The following SNX9 variants were observed in gnomAD, a reference collection of about 807,000 sequenced individuals.
SNX9 encodes sorting nexin-9.
SNX9 carries 44 observed loss-of-function variants against 89.4 expected under a neutral mutation model. The ratio of observed to expected loss-of-function variants is 0.49; its 90% CI spans 0.39 to 0.63. The LOEUF (loss-of-function observed/expected upper bound fraction) is 0.63, where lower values mean the gene tolerates loss of function less well. SNX9 is among the 30% of genes least tolerant of loss of function. The pLI is 0.00. For missense variants in SNX9, 578 were observed against 736.1 expected, an observed-to-expected ratio of 0.79 and a Z score of 2.49; for synonymous variants, 236 against 247.8, an observed-to-expected ratio of 0.95 and a Z score of 0.45.
intron 12 of SNX9, among the ~76,000 whole-genome samples, chr6:157,931,867 A>G (rs763019456): frequency 1.3e-5 from 2 of 152,240 alleles, no homozygotes; most frequent in Non-Finnish European, 2.9e-5. Context: ...AGGGGCTATC[A>G]TGATGATCAA....
At chr6:157,931,800 ATC>A (rs547286416) in intron 12 of SNX9, among the ~76,000 whole-genome samples, 180 of 152,336 alleles carry the variant, frequency 1.2e-3, no homozygotes, top group African/African-American at 3.3e-3. Context: ...CAAGTCAGTT[ATC>A]TGAGCCTTAT....
At chr6:157,825,862 T>C (rs1230371871) in intron 1 of SNX9, among the ~76,000 whole-genome samples, 2 of 152,176 alleles carry the variant, frequency 1.3e-5, no homozygotes, top group African/African-American at 2.4e-5. Context: ...GTGTTTTTTC[T>C]TTGTCTTCTT....
intron 1 of SNX9, among the ~76,000 whole-genome samples, chr6:157,826,658 C>A (rs1345094943): frequency 7.6e-6 from 1 of 131,492 alleles, no homozygotes; most frequent in Non-Finnish European, 1.5e-5. Flanking sequence ...AATATTAATA[C>A]AAAAGCTGCA....
At chr6:157,886,708 A>G (rs1300217775) in intron 4 of SNX9, among the ~76,000 whole-genome samples, 2 of 152,232 alleles carry the variant, frequency 1.3e-5, no homozygotes, top group African/African-American at 2.4e-5. Flanking sequence ...AATTCAGGAT[A>G]GATGGCTAAT....
At chr6:157,835,322 A>T (rs968648124) in intron 1 of SNX9, among the ~76,000 whole-genome samples, 4 of 152,118 alleles carry the variant, frequency 2.6e-5, no homozygotes, top group Non-Finnish European at 5.9e-5. Context: ...CAAGATTTTT[A>T]AAATATTCTA....
intron 1 of SNX9, among the ~76,000 whole-genome samples, chr6:157,828,917 T>A (rs185400375): frequency 2.2e-3 from 330 of 152,282 alleles, no homozygotes; most frequent in African/African-American, 7.7e-3. Context: ...CTCCTTTGAA[T>A]GCTGTCAGCC....
At chr6:157,930,217 C>G (rs779504668) in intron 12 of SNX9, among the ~76,000 whole-genome samples, 9 of 152,326 alleles carry the variant, frequency 5.9e-5, no homozygotes, top group Non-Finnish European at 1.2e-4. Flanking sequence ...CTTATACCAA[C>G]AAAACAACTT....
At chr6:157,876,316 G>C (rs566126701) in intron 4 of SNX9, among the ~76,000 whole-genome samples, 1 of 152,142 alleles carries the variant, frequency 6.6e-6, no homozygotes, top group Non-Finnish European at 1.5e-5. Flanking sequence ...GCTAGGTGTG[G>C]TGGCAGGCAC....
intron 17 of SNX9, among the ~76,000 whole-genome samples, 174 bp from the exon 18 acceptor site, chr6:157,942,617 A>G (rs1784065215): frequency 6.6e-6 from 1 of 152,226 alleles, no homozygotes; most frequent in African/African-American, 2.4e-5. Context: ...TGCCGGTGTC[A>G]TTCGGGGTTA....
intron 4 of SNX9, among the ~76,000 whole-genome samples, chr6:157,875,982 TA>T (rs1038454776): frequency 8.1e-5 from 12 of 149,016 alleles, no homozygotes; most frequent in African/African-American, 2.5e-4. Flanking sequence ...CTCCACACGT[TA>T]AAAAAAAAGT....
chr6:157,938,569 ATATTT>A (rs1783972422), intron 15 of SNX9, 59 bp from the exon 16 acceptor site: 1 of 1,057,738 alleles, frequency 9.5e-7, no homozygotes, highest in African/African-American at 1.6e-5. Flanking sequence ...TAGCATTGTT[ATATTT>A]TAAACTAATG....
rs530217634 is a variant in SNX9 at position 157,844,210 on chromosome 6, C to T, written c.12+20764C>T. Among the ~76,000 whole-genome samples the T allele has an allele frequency of 2.6e-5, 4 of 152,128 alleles. No individual in the cohort carries two copies. In the South Asian group the frequency reaches 8.3e-4, roughly 32 times the overall value. ...CTTAGAGCCGATTTCTCAGGACAAG[C>T]GGAATTGCAATAGAGAAAGAGTAAT... is the stretch of plus-strand genomic sequence containing the variant. On this transcript the variant is annotated intron_variant, in intron 1 of 17. Coordinates refer to ENST00000392185, the MANE Select transcript of SNX9 (RefSeq NM_016224.5).
intron 1 of SNX9, among the ~76,000 whole-genome samples, chr6:157,858,374 G>A (rs1363651545): frequency 2.6e-5 from 4 of 151,702 alleles, no homozygotes; most frequent in Non-Finnish European, 5.9e-5. Context: ...AGCCTAGCGA[G>A]TAGCTAGGAT....
chr6:157,836,895 A>G (rs1444972692), intron 1 of SNX9, among the ~76,000 whole-genome samples: 1 of 152,122 alleles, frequency 6.6e-6, no homozygotes, highest in East Asian at 1.9e-4. Context: ...CCGGCCGAGA[A>G]CACACATTTC....
At chr6:157,936,108 C>A in intron 14 of SNX9, 68 bp downstream of exon 14, 3 of 1,303,322 alleles carry the variant, frequency 2.3e-6, no homozygotes, top group Non-Finnish European at 3.2e-6. Flanking sequence ...TAATTTAAAA[C>A]CTGTCTTAGG....
chr6:157,869,730 G>A (rs1782350059), intron 2 of SNX9, among the ~76,000 whole-genome samples: 1 of 152,096 alleles, frequency 6.6e-6, no homozygotes, highest in South Asian at 2.1e-4. Flanking sequence ...CTGTAGGTCT[G>A]TGAGACACCC....
At chr6:157,824,112 C>T (rs1033563808) in intron 1 of SNX9, among the ~76,000 whole-genome samples, 11 of 152,194 alleles carry the variant, frequency 7.2e-5, no homozygotes, top group Admixed American at 2.6e-4. Context: ...TACGTGTTTG[C>T]CTGAAAAAAG....
chr6:157,942,481 C>G (rs771208482), intron 17 of SNX9, among the ~76,000 whole-genome samples: 7 of 152,232 alleles, frequency 4.6e-5, no homozygotes, highest in Non-Finnish European at 1.0e-4. Flanking sequence ...AACATGAAGG[C>G]CTGAGCCCCC....
chr6:157,877,059 A>G (rs1476751288), intron 4 of SNX9, among the ~76,000 whole-genome samples: 3 of 152,266 alleles, frequency 2.0e-5, no homozygotes, highest in Admixed American at 6.5e-5. Context: ...CAAACAAAAA[A>G]TAGAAATATT....
Sources: gnomAD v4.1 joint callset for allele counts (sites outside exome capture counted in the v4.1 genomes callset) on GRCh38, gnomAD v4.1.1 for gene constraint, MANE v1.5 for transcripts, NCBI Gene and HGNC (gene_info 2026-07-23, HGNC 2026-07-21) for gene names.